The following DOCK5 variants were observed in gnomAD, a reference collection of about 807,000 sequenced individuals.
DOCK5 encodes the protein dedicator of cytokinesis 5.
DOCK5 carries 142 observed loss-of-function variants against 251.8 expected under a neutral mutation model. That is an observed-to-expected ratio of 0.56 (90% CI 0.49 to 0.65). The LOEUF is 0.65. Among genes scored for constraint, DOCK5 ranks in the 30% least tolerant of loss-of-function variants. DOCK5 has a pLI of 0.00. For synonymous variants in DOCK5, 842 were observed against 835.5 expected (o/e 1.01, Z -0.13); for missense variants, 2,111 against 2,312.3 (o/e 0.91, Z 1.79).
At chr8:25,226,583 ATTTTAAG>A (rs2117510154) in intron 1 of DOCK5, among the ~76,000 whole-genome samples, 1 of 146,508 alleles carries the variant, frequency 6.8e-6, no homozygotes, top group South Asian at 2.1e-4. Flanking sequence ...TATTTTTTTA[ATTTTAAG>A]TTTTTTTTTT....
rs868365531 is a variant in DOCK5 at position 25,411,701 on chromosome 8, G to T, written c.*403G>T. 15 of 162,124 alleles carry T rather than the reference G, an allele frequency of 9.3e-5. No individual in the cohort carries two copies. Among genetic ancestry groups the T allele is most frequent in the South Asian group, 2.0e-4 (1 of 4,964 alleles). 10.0% of individuals were successfully genotyped at this position (162,124 alleles called of 1,614,324 possible). A position where few individuals can be genotyped will look rare whatever the true frequency, so the allele number is the denominator to read the frequency against. The stretch of plus-strand genomic sequence containing the variant: ...TTTTGCTTTGCTTATGAAAAGCTGT[G>T]CTTGAGACTTAGGTACTTTTCTCAC... On this transcript the variant is annotated 3_prime_UTR_variant, in exon 52 of 52. Coordinates refer to ENST00000276440, the MANE Select transcript of DOCK5 (RefSeq NM_024940.8).
chr8:25,388,987 T>A, intron 40 of DOCK5, 104 bp from the exon 41 acceptor site: 1 of 1,065,902 alleles, frequency 9.4e-7, no homozygotes, highest in South Asian at 1.5e-5. Flanking sequence ...TGGTGGGGAT[T>A]GAACGTTGGC....
In DOCK5 at chr8:25,345,106, GA is replaced by G. The variant is rs533737018; in HGVS notation, c.2618-359del. Among the ~76,000 whole-genome samples the G allele has an allele frequency of 2.2e-3, 318 of 147,586 alleles. 1 individual carries two copies. Among genetic ancestry groups the G allele is most frequent in the African/African-American group, 5.2e-3 (210 of 40,298 alleles). ...TTCTCCATTAGGTGAAAAAATTTTT[GA>G]AAAAAAAAATGTATAACTTGCTTGG... is the stretch of plus-strand genomic sequence containing the variant. On this transcript the variant is annotated intron_variant, in intron 25 of 51. Transcript: ENST00000276440.
At chr8:25,373,811 C>G (rs955989556) in intron 36 of DOCK5, among the ~76,000 whole-genome samples, 153 bp downstream of exon 36, 1 of 152,200 alleles carries the variant, frequency 6.6e-6, no homozygotes, top group Non-Finnish European at 1.5e-5. Context: ...AACCGACAAA[C>G]TCTTTAGACA....
chr8:25,266,284 C>T (rs556131390), intron 2 of DOCK5, among the ~76,000 whole-genome samples: 1 of 151,340 alleles, frequency 6.6e-6, no homozygotes, highest in African/African-American at 2.4e-5. Context: ...GGCACTATCT[C>T]GGCTCACTGC....
intron 27 of DOCK5, among the ~76,000 whole-genome samples, chr8:25,357,928 C>G (rs1800607267): frequency 6.6e-6 from 1 of 152,032 alleles, no homozygotes; most frequent in African/African-American, 2.4e-5. Context: ...TTTTTTTGGT[C>G]TAGGGGATAG....
chr8:25,371,384 C>T (rs1279481113), intron 34 of DOCK5, among the ~76,000 whole-genome samples: 1 of 152,134 alleles, frequency 6.6e-6, no homozygotes, highest in Admixed American at 6.5e-5. Flanking sequence ...AGGAGAATCA[C>T]TTGAACCTGG....
intron 1 of DOCK5, among the ~76,000 whole-genome samples, chr8:25,222,837 G>A (rs2117502307): frequency 6.6e-6 from 1 of 152,270 alleles, no homozygotes; most frequent in South Asian, 2.1e-4. Context: ...ATCCAGTGAG[G>A]ACAAAGTATG....
intron 44 of DOCK5, 92 bp downstream of exon 44, chr8:25,392,974 G>T: frequency 2.6e-6 from 3 of 1,135,348 alleles, no homozygotes; most frequent in Non-Finnish European, 3.9e-6. Flanking sequence ...GTTCACACCA[G>T]CTTGGCCAGC....
At chr8:25,407,334 A>G (rs1586402485) in intron 48 of DOCK5, among the ~76,000 whole-genome samples, 1 of 152,076 alleles carries the variant, frequency 6.6e-6, no homozygotes, top group Admixed American at 6.6e-5. Flanking sequence ...AACACAGGCT[A>G]TCTGGCTCCA....
intron 30 of DOCK5, among the ~76,000 whole-genome samples, chr8:25,365,809 G>A (rs1295765736): frequency 2.0e-5 from 3 of 152,182 alleles, no homozygotes; most frequent in African/African-American, 7.2e-5. Context: ...TTGGCCTTCA[G>A]TGCCCTGCCT....
intron 3 of DOCK5, among the ~76,000 whole-genome samples, chr8:25,269,141 A>T (rs899033352): frequency 3.3e-5 from 5 of 152,126 alleles, no homozygotes; most frequent in African/African-American, 1.2e-4. Context: ...CCTGTCCCTC[A>T]AGTTAAGCAA....
chr8:25,323,934 G>C lies in DOCK5; in HGVS notation c.1702G>C (p.Asp568His). 2 of 1,612,154 alleles carry C rather than the reference G, an allele frequency of 1.2e-6. No homozygotes were observed. The highest frequency in any genetic ancestry group is 8.5e-7 in the Non-Finnish European group (1 of 1,179,112). Residue 568 changes from aspartate to histidine, a missense_variant, in exon 17 of 52, where the codon GAT becomes CAT. By Grantham distance (81) the Asp-to-His change is moderately conservative. Around this residue, in one of 3 missense-constraint regions of DOCK5, gnomAD observed 1,717 missense variants for 1,892.4 expected, o/e 0.91. Transcript: ENST00000276440. ...CACCACTCTGCAGGATGGGAGGCAC[G>C]ATCTGGTGGTTTATAAGGTGGTGCT... ...DGTTLQDGRHDLVVYKGDNKK... is the reference protein window; with the variant it reads ...DGTTLQDGRHHLVVYKGDNKK...
rs1190422980 is a variant in DOCK5 at position 25,299,090 on chromosome 8, C to T, written c.753C>T (p.Ser251=). 2 of 1,613,394 alleles carry T rather than the reference C, an allele frequency of 1.2e-6. No individual in the cohort carries two copies. The highest frequency in any genetic ancestry group is 1.7e-6 in the Non-Finnish European group (2 of 1,179,716). ...TGGCCCTCTACGACCCAGACCAGTCCACTTTTATCAGGTAGCAGAGACCCA... is the reference window on the plus strand; with the variant it reads ...TGGCCCTCTACGACCCAGACCAGTCTACTTTTATCAGGTAGCAGAGACCCA... The part of the protein sequence containing the change: ...LFMALYDPDQ[S]TFISENYLIR... The change falls in exon 8 of 52, where the codon TCC becomes TCT. Residue 251 remains serine, a synonymous_variant. Transcript: ENST00000276440.
At chr8:25,366,341 A>G (rs1048371128) in intron 30 of DOCK5, among the ~76,000 whole-genome samples, 3 of 152,078 alleles carry the variant, frequency 2.0e-5, no homozygotes, top group African/African-American at 2.4e-5. Context: ...AAATGCAAAA[A>G]CTAGCTAGGC....
chr8:25,269,819 C>T (rs961241829), intron 3 of DOCK5, among the ~76,000 whole-genome samples: 4 of 152,102 alleles, frequency 2.6e-5, no homozygotes, highest in Admixed American at 2.0e-4. Flanking sequence ...ATGAGAGAAA[C>T]GTTTTAGAAT....
chr8:25,243,400 G>A (rs907563815), intron 1 of DOCK5, among the ~76,000 whole-genome samples: 5 of 149,384 alleles, frequency 3.3e-5, no homozygotes, highest in East Asian at 4.0e-4. Context: ...GCGTGATCTC[G>A]GCTCACTGCA....
chr8:25,297,290 G>A (rs1804643022), intron 7 of DOCK5, among the ~76,000 whole-genome samples: 1 of 145,804 alleles, frequency 6.9e-6, no homozygotes, highest in Non-Finnish European at 1.5e-5. Flanking sequence ...TTTTTTAGAT[G>A]GAGTCTTGCT....
rs1358657004 is a variant in DOCK5, at chr8:25,211,400, T to G, written c.43+26449T>G. On this transcript the variant is annotated intron_variant, in intron 1 of 51. Transcript: ENST00000276440. ...GCATTGTATAGATAAACTGTTTGAGTGCCTAGAAAGCTTTCCACACAGGGC... is the reference window on the plus strand; with the variant it reads ...GCATTGTATAGATAAACTGTTTGAGGGCCTAGAAAGCTTTCCACACAGGGC... Among the ~76,000 whole-genome samples, 3 of 70,856 alleles carry G rather than the reference T, an allele frequency of 4.2e-5. 1 individual carries two copies. The highest frequency in any genetic ancestry group is 9.6e-5 in the African/African-American group (3 of 31,156). The allele number at this position is 70,856 out of a possible 152,430, so 46.5% of individuals were successfully genotyped here.
Sources: allele counts gnomAD v4.1 joint callset (sites outside exome capture counted in the v4.1 genomes callset), GRCh38; gene constraint gnomAD v4.1.1; regional missense constraint gnomAD v4.1.1; transcripts MANE v1.5; gene names NCBI Gene and HGNC (gene_info 2026-07-23, HGNC 2026-07-21).